The following SCMH1 variants were observed in gnomAD, a reference collection of about 807,000 sequenced individuals.
SCMH1 encodes the protein Scm polycomb group protein homolog 1.
Under a neutral mutation model 70.8 loss-of-function variants are expected in SCMH1, and 37 were observed. The observed-to-expected ratio is 0.52, with a 90% CI of 0.40 to 0.69. SCMH1 has a LOEUF of 0.69. Among genes scored for constraint, SCMH1 ranks in the 30% least tolerant of loss-of-function variants. SCMH1 has a pLI of 0.00. For synonymous variants in SCMH1, 292 were observed against 307.4 expected (o/e 0.95, Z 0.52); for missense variants, 607 against 827.3 (o/e 0.73, Z 3.27).
chr1:41,089,463 C>G (rs978030166), intron 8 of SCMH1, among the ~76,000 whole-genome samples: 1 of 152,158 alleles, frequency 6.6e-6, no homozygotes, highest in African/African-American at 2.4e-5. Context: ...ACAATCTGAT[C>G]GTTTTTCATA....
At chr1:41,095,644 A>G (rs1664866962) in intron 8 of SCMH1, among the ~76,000 whole-genome samples, 1 of 152,160 alleles carries the variant, frequency 6.6e-6, no homozygotes, top group South Asian at 2.1e-4. Context: ...GGTCGATTTT[A>G]AGCAGATGAT....
chr1:41,240,460 ACT>A (rs943656488), intron 1 of SCMH1, among the ~76,000 whole-genome samples: 30 of 152,308 alleles, frequency 2.0e-4, no homozygotes, highest in African/African-American at 7.0e-4. Flanking sequence ...GGCAGTTAGA[ACT>A]AGAGCAAAGA....
intron 2 of SCMH1, among the ~76,000 whole-genome samples, chr1:41,183,826 A>C (rs1190500110): frequency 6.6e-6 from 1 of 152,196 alleles, no homozygotes; most frequent in East Asian, 1.9e-4. Flanking sequence ...ATAAACAATA[A>C]CTGAAAACAG....
chr1:41,159,299 T>C (rs1265638166), intron 4 of SCMH1, among the ~76,000 whole-genome samples: 1 of 152,238 alleles, frequency 6.6e-6, no homozygotes, highest in Non-Finnish European at 1.5e-5. Flanking sequence ...TACTCTATGT[T>C]AAATTGAGTA....
At chr1:41,234,525 T>C (rs890633121) in intron 1 of SCMH1, among the ~76,000 whole-genome samples, 1 of 122,692 alleles carries the variant, frequency 8.2e-6, no homozygotes, top group African/African-American at 3.1e-5. Context: ...TGGAGTGCAG[T>C]GGCACAATCT....
intron 10 of SCMH1, among the ~76,000 whole-genome samples, chr1:41,063,201 T>C (rs1011153217): frequency 1.3e-5 from 2 of 151,874 alleles, no homozygotes; most frequent in African/African-American, 4.8e-5. Context: ...AGGCCAGGCG[T>C]GGTGGCTCAC....
At chr1:41,027,952 G>C in exon 15 of SCMH1, 1 of 529,488 alleles carries the variant, frequency 1.9e-6, no homozygotes, top group Non-Finnish European at 3.3e-6. Context: ...AGGGACCTTA[G>C]AGCCCCGGCA....
At chr1:41,163,400 T>A (rs1291665500) in intron 2 of SCMH1, among the ~76,000 whole-genome samples, 2 of 152,020 alleles carry the variant, frequency 1.3e-5, no homozygotes, top group African/African-American at 4.8e-5. Flanking sequence ...GCCAAGTGAG[T>A]GGAACGAGCC....
exon 15 of SCMH1, chr1:41,027,551 G>C (rs1643952272): frequency 6.6e-6 from 1 of 152,316 alleles, no homozygotes; most frequent in African/African-American, 2.4e-5. Context: ...ATGTGGTCAA[G>C]GCTTTATGGG....
At chr1:41,190,590 C>T (rs1651459161) in intron 1 of SCMH1, among the ~76,000 whole-genome samples, 1 of 152,140 alleles carries the variant, frequency 6.6e-6, no homozygotes, top group South Asian at 2.1e-4. Context: ...AAGTTCCTTC[C>T]AAATCTGAGA....
rs561244725 is a variant in SCMH1, at chr1:41,037,482, T to C, written c.1558A>G (p.Met520Val). The C allele has an allele frequency of 2.4e-5, 38 of 1,614,178 alleles. No individual in the cohort carries two copies. The highest frequency in any genetic ancestry group is 6.7e-5 in the East Asian group (3 of 44,888). The change falls in exon 13 of 15, where the codon ATG becomes GTG. Residue 520 changes from methionine (M) to valine (V), a missense_variant. Physicochemically the swap from Met to Val is conservative, Grantham distance 21. Transcript: ENST00000337495. ...TTGGTGGGATTTGAGGCAGAGTCCATTGAGTCTGAGTGTGGTTCCAAGGAG... is the reference window on the plus strand; with the variant it reads ...TTGGTGGGATTTGAGGCAGAGTCCACTGAGTCTGAGTGTGGTTCCAAGGAG...
chr1:41,167,249 T>G (rs533203471), intron 2 of SCMH1, among the ~76,000 whole-genome samples: 1 of 152,170 alleles, frequency 6.6e-6, no homozygotes, highest in Non-Finnish European at 1.5e-5. Flanking sequence ...TTGAAGATTT[T>G]TGCATCCATG....
chr1:41,032,795 T>C (rs1644718901), intron 13 of SCMH1, among the ~76,000 whole-genome samples: 1 of 151,908 alleles, frequency 6.6e-6, no homozygotes, highest in African/African-American at 2.4e-5. Flanking sequence ...CTGGCCAACA[T>C]GGTGAAACCC....
intron 8 of SCMH1, among the ~76,000 whole-genome samples, chr1:41,099,922 GA>G (rs1280718854): frequency 6.6e-6 from 1 of 152,124 alleles, no homozygotes; most frequent in Non-Finnish European, 1.5e-5. Flanking sequence ...AACAACATTA[GA>G]AAAGGTGATT....
chr1:41,172,913 C>T (rs1039573933), intron 2 of SCMH1, among the ~76,000 whole-genome samples: 2 of 151,954 alleles, frequency 1.3e-5, no homozygotes, highest in South Asian at 2.1e-4. Context: ...AGATCCCTAC[C>T]TCTCATCATG....
At chr1:41,169,485 T>C (rs2148494423) in intron 2 of SCMH1, among the ~76,000 whole-genome samples, 1 of 152,306 alleles carries the variant, frequency 6.6e-6, no homozygotes, top group East Asian at 1.9e-4. Flanking sequence ...ACCCCCATTG[T>C]TCTGTGATCT....
At chr1:41,027,672 G>A (rs1643959246) in exon 15 of SCMH1, 1 of 152,802 alleles carries the variant, frequency 6.5e-6, no homozygotes, top group Non-Finnish European at 1.5e-5. Context: ...CCCTCCTCCT[G>A]AAACCCAGTG....
chr1:41,089,932 C>A (rs1217522734), intron 8 of SCMH1, among the ~76,000 whole-genome samples: 1 of 151,740 alleles, frequency 6.6e-6, no homozygotes, highest in Non-Finnish European at 1.5e-5. Flanking sequence ...GCTGGGACTA[C>A]AGGCATGTGC....
chr1:41,113,350 G>A lies in SCMH1; in HGVS notation c.678C>T (p.Ser226=). Reference sequence around the variant, plus strand: ...ACCAGCCCACAGGGAAGATGTCTCGGGAGTCGAAGCGGCACCAGTAGTCAA... The same window carrying A: ...ACCAGCCCACAGGGAAGATGTCTCGAGAGTCGAAGCGGCACCAGTAGTCAA... Residue 226 remains serine (S), a synonymous_variant, in exon 8 of 15, where the codon TCC becomes TCT. Transcript: ENST00000337495. The surrounding 1 kb of genome is among the most constrained non-coding windows in gnomAD (Gnocchi z 4.3). The A allele has an allele frequency of 1.2e-6, 2 of 1,613,970 alleles. No homozygotes were observed. Among genetic ancestry groups the A allele is most frequent in the Non-Finnish European group, 1.7e-6 (2 of 1,179,972 alleles).
Sources: gnomAD v4.1 joint callset for allele counts (sites outside exome capture counted in the v4.1 genomes callset) on GRCh38, gnomAD v4.1.1 for gene constraint, Gnocchi (gnomAD v3.1) non-coding constraint, MANE v1.5 for transcripts, NCBI Gene and HGNC (gene_info 2026-07-23, HGNC 2026-07-21) for gene names.